The following RFX3 variants were observed in gnomAD, a reference collection of about 807,000 sequenced individuals.
The protein encoded by RFX3 is regulatory factor X3.
A neutral mutation model predicts 98.6 loss-of-function variants in RFX3; 14 were observed. The ratio of observed to expected loss-of-function variants is 0.14; its 90% CI spans 0.09 to 0.22. The LOEUF (loss-of-function observed/expected upper bound fraction) is 0.22, where lower values mean the gene tolerates loss of function less well. Ranked by LOEUF, RFX3 falls within the 10% of genes least tolerant of loss-of-function variation. RFX3 has a pLI of 1.00. For synonymous variants in RFX3, 383 were observed against 328.4 expected (o/e 1.17, Z -1.80); for missense variants, 639 against 926.9 (o/e 0.69, Z 4.03).
At chr9:3,474,872 G>C (rs10114454) in intron 1 of RFX3, among the ~76,000 whole-genome samples, 23,955 of 152,056 alleles carry the variant, frequency 0.16, 3,411 homozygotes, top group East Asian at 0.47. Context: ...CAAGGAAGGA[G>C]AATCACTTGA....
intron 2 of RFX3, among the ~76,000 whole-genome samples, chr9:3,349,229 T>C (rs1384075276): frequency 6.6e-6 from 1 of 152,080 alleles, no homozygotes; most frequent in Admixed American, 6.6e-5. Flanking sequence ...ATTACTTATT[T>C]GCTTTATCAT....
At chr9:3,384,151 CTAAG>C (rs1349231218) in intron 2 of RFX3, among the ~76,000 whole-genome samples, 1 of 152,138 alleles carries the variant, frequency 6.6e-6, no homozygotes, top group Non-Finnish European at 1.5e-5. Flanking sequence ...CAGCAGGAAA[CTAAG>C]TGAGCAAGGC....
At chr9:3,409,436 A>G (rs1406831332) in intron 1 of RFX3, among the ~76,000 whole-genome samples, 1 of 152,234 alleles carries the variant, frequency 6.6e-6, no homozygotes, top group Non-Finnish European at 1.5e-5. Context: ...CTACTGCGAA[A>G]TATCAGGGTT....
At chr9:3,393,207 A>G (rs985671992) in intron 2 of RFX3, among the ~76,000 whole-genome samples, 1 of 152,160 alleles carries the variant, frequency 6.6e-6, no homozygotes, top group Non-Finnish European at 1.5e-5. Context: ...ATATCAGAAT[A>G]ACAGGTTTAA....
chr9:3,500,252 C>A (rs997975908), intron 1 of RFX3, among the ~76,000 whole-genome samples: 6 of 152,000 alleles, frequency 3.9e-5, no homozygotes, highest in East Asian at 1.9e-4. Context: ...AGAACTGAAA[C>A]AGCGCATAGC....
At chr9:3,376,897 C>A (rs1587401059) in intron 2 of RFX3, among the ~76,000 whole-genome samples, 1 of 152,216 alleles carries the variant, frequency 6.6e-6, no homozygotes, top group South Asian at 2.1e-4. Flanking sequence ...CTATGAGATA[C>A]CATCTCACAC....
At position 3,288,316 on chromosome 9, in the gene RFX3, G is replaced by A; in HGVS notation, c.732-66C>T. 3 of 1,488,244 alleles carry A rather than the reference G, an allele frequency of 2.0e-6. No individual in the cohort carries two copies. In the South Asian group the frequency reaches 3.5e-5, roughly 17 times the overall value. 92.2% of individuals were successfully genotyped at this position (1,488,244 alleles called of 1,614,324 possible). The stretch of plus-strand genomic sequence containing the variant: ...CAAACTAATATTAATCACATGGGAT[G>A]TCCATTAAACTTCACACTTGGAAAA... On this transcript the variant is annotated intron_variant, in intron 6 of 16. Coordinates refer to ENST00000617270, the MANE Select transcript of RFX3 (RefSeq NM_001282116.2).
At chr9:3,406,397 T>A (rs150611439) in intron 1 of RFX3, among the ~76,000 whole-genome samples, 9 of 152,156 alleles carry the variant, frequency 5.9e-5, no homozygotes, top group Non-Finnish European at 8.8e-5. Flanking sequence ...AAACAACCAC[T>A]GCTTTTCCAT....
chr9:3,387,414 T>C (rs1424509641), intron 2 of RFX3, among the ~76,000 whole-genome samples: 2 of 152,134 alleles, frequency 1.3e-5, no homozygotes, highest in African/African-American at 4.8e-5. Flanking sequence ...AAGCATACTA[T>C]TACTCAACTA....
intron 1 of RFX3, among the ~76,000 whole-genome samples, chr9:3,482,061 T>G (rs1026540319): frequency 1.3e-5 from 2 of 151,904 alleles, no homozygotes; most frequent in African/African-American, 4.8e-5. Context: ...AAGAAAATAA[T>G]TGGACAGCTA....
intron 3 of RFX3, among the ~76,000 whole-genome samples, chr9:3,341,962 G>A (rs1454340799): frequency 6.6e-6 from 1 of 152,064 alleles, no homozygotes; most frequent in East Asian, 1.9e-4. Flanking sequence ...TGCAAATATC[G>A]AAATTTCACA....
chr9:3,344,455 G>A (rs1563959842), intron 3 of RFX3, among the ~76,000 whole-genome samples: 1 of 152,158 alleles, frequency 6.6e-6, no homozygotes, highest in African/African-American at 2.4e-5. Flanking sequence ...TCAGATTTGG[G>A]AGTATTTCGG....
chr9:3,506,042 T>C (rs1189027111), intron 1 of RFX3, among the ~76,000 whole-genome samples: 1 of 151,790 alleles, frequency 6.6e-6, no homozygotes, highest in Admixed American at 6.6e-5. Context: ...TGAGCATGTA[T>C]ATTAAAACTT....
chr9:3,248,284 A>G (rs1820943173), intron 14 of RFX3, 99 bp from the exon 15 acceptor site: 12 of 1,419,860 alleles, frequency 8.5e-6, no homozygotes, highest in Middle Eastern at 3.7e-4. Context: ...CTGGGAGTCT[A>G]TATGGTTGGT....
intron 4 of RFX3, among the ~76,000 whole-genome samples, chr9:3,329,428 ACAAAAAAC>A (rs934964334): frequency 3.6e-5 from 5 of 137,204 alleles, no homozygotes; most frequent in African/African-American, 1.3e-4. Flanking sequence ...AAAAAAAAAA[ACAAAAAAC>A]CACCAAACAA....
chr9:3,286,806 C>G (rs1478678951), intron 7 of RFX3, among the ~76,000 whole-genome samples: 1 of 151,914 alleles, frequency 6.6e-6, no homozygotes, highest in Non-Finnish European at 1.5e-5. Flanking sequence ...ATACCAGCCT[C>G]AATAAATATG....
chr9:3,363,352 A>G (rs1225491070), intron 2 of RFX3, among the ~76,000 whole-genome samples: 1 of 152,232 alleles, frequency 6.6e-6, no homozygotes, highest in Non-Finnish European at 1.5e-5. Context: ...TAGAGAGACC[A>G]TAAGAATATG....
chr9:3,354,957 A>C lies in RFX3; in HGVS notation c.118-8193T>G, dbSNP rs139294357. Reference sequence around the variant, plus strand: ...TATGTAGAAGTGAAATGCAGGAATGACAAAAATAGCACAAAGGACAGAAGA... The same window carrying C: ...TATGTAGAAGTGAAATGCAGGAATGCCAAAAATAGCACAAAGGACAGAAGA... On this transcript the variant is annotated intron_variant, in intron 2 of 16. Transcript: ENST00000617270. 2.4e-3 allele frequency among the ~76,000 whole-genome samples: 363 copies of C among 152,070 alleles called. 1 individual carries two copies. The highest frequency in any genetic ancestry group is 8.4e-3 in the African/African-American group (348 of 41,548).
At chr9:3,331,510 C>T (rs561907533) in intron 3 of RFX3, among the ~76,000 whole-genome samples, 117 of 152,210 alleles carry the variant, frequency 7.7e-4, no homozygotes, top group Admixed American at 2.2e-3. Flanking sequence ...TTATCTTCAA[C>T]GCCACCTCCT....
Sources: gnomAD v4.1 joint callset for allele counts (sites outside exome capture counted in the v4.1 genomes callset) on GRCh38, gnomAD v4.1.1 for gene constraint, MANE v1.5 for transcripts, NCBI Gene and HGNC (gene_info 2026-07-23, HGNC 2026-07-21) for gene names.